The following CRYL1 variants were observed in gnomAD, a reference collection of about 807,000 sequenced individuals.
CRYL1 encodes the protein lambda-crystallin homolog.
Under a neutral mutation model 36.6 loss-of-function variants are expected in CRYL1, and 29 were observed. The observed-to-expected ratio is 0.79, with a 90% CI of 0.59 to 1.08. CRYL1 has a LOEUF of 1.08. Ranked by LOEUF, CRYL1 falls within the 50% of genes least tolerant of loss-of-function variation. CRYL1 has a pLI of 0.00. For missense variants in CRYL1, 411 were observed against 407.9 expected (o/e 1.01, Z -0.06); for synonymous variants, 152 against 151.5 (o/e 1.00, Z -0.02).
At chr13:20,482,604 G>A (rs1187785962) in intron 3 of CRYL1, among the ~76,000 whole-genome samples, 2 of 152,224 alleles carry the variant, frequency 1.3e-5, no homozygotes, top group Non-Finnish European at 2.9e-5. Context: ...CCTGACCCAG[G>A]CTCCCCGCCC....
In CRYL1 at chr13:20,488,039, C is replaced by T. The variant is rs2033435119; in HGVS notation, c.276+1331G>A. Among the ~76,000 whole-genome samples, 2 of 151,690 alleles carry T rather than the reference C, an allele frequency of 1.3e-5. 1 individual carries two copies. The highest frequency in any genetic ancestry group is 4.2e-4 in the South Asian group (2 of 4,802). ...ATCGCTTGAATCCAGGAAGTGGAGG[C>T]TGCAATGAGCCGAGATCACACCACT... is the stretch of plus-strand genomic sequence containing the variant. On this transcript the variant is annotated intron_variant, in intron 3 of 7. Transcript: ENST00000298248.
intron 5 of CRYL1, among the ~76,000 whole-genome samples, chr13:20,426,472 G>A (rs1258735947): frequency 1.3e-5 from 2 of 152,016 alleles, no homozygotes; most frequent in Non-Finnish European, 2.9e-5. Context: ...CTTAAAACTA[G>A]GACTGTGAAT....
chr13:20,488,648 A>C (rs949920696), intron 3 of CRYL1, among the ~76,000 whole-genome samples: 1 of 152,264 alleles, frequency 6.6e-6, no homozygotes, highest in African/African-American at 2.4e-5. Context: ...CAAAATATCA[A>C]GGAAAGATAC....
chr13:20,508,187 C>G (rs113660068), intron 2 of CRYL1, among the ~76,000 whole-genome samples: 30,664 of 151,992 alleles, frequency 0.2, 3,579 homozygotes, highest in African/African-American at 0.32. Flanking sequence ...CAAGATCACA[C>G]CACCCCACTC....
rs368550734 is a variant in CRYL1 at position 20,413,311 on chromosome 13, G to A, written c.710C>T (p.Pro237Leu). Residue 237 changes from proline (P) to leucine (L), a missense_variant, in exon 6 of 8, where the codon CCC (proline) becomes CTC (leucine). Physicochemically the swap from Pro to Leu is moderately conservative, Grantham distance 98 (BLOSUM62 -3). Coordinates refer to ENST00000298248, the MANE Select transcript of CRYL1 (RefSeq NM_015974.3). ...GLGMRYAFIG[P>L]LETMHLNAEG... Reference sequence around the variant, plus strand: ...TGCATTGAGATGCATGGTTTCCAGGGGTCCAATGAATGCATACCGCATGCC... The same window carrying A: ...TGCATTGAGATGCATGGTTTCCAGGAGTCCAATGAATGCATACCGCATGCC... The A allele has an allele frequency of 1.2e-6, 2 of 1,613,258 alleles. No homozygotes were observed. The highest frequency in any genetic ancestry group is 1.7e-6 in the Non-Finnish European group (2 of 1,179,326).
chr13:20,430,994 C>A (rs760119637), intron 5 of CRYL1: 2 of 985,364 alleles, frequency 2.0e-6, no homozygotes, highest in Non-Finnish European at 2.4e-6. Context: ...AATACAGGAG[C>A]CTTAAGTGGA....
At chr13:20,465,175 T>C (rs887412685) in intron 3 of CRYL1, among the ~76,000 whole-genome samples, 26 of 152,192 alleles carry the variant, frequency 1.7e-4, no homozygotes, top group African/African-American at 5.8e-4. Context: ...GACTTTTAAA[T>C]ATCCCAACTA....
At chr13:20,420,749 G>A (rs1400547768) in intron 5 of CRYL1, among the ~76,000 whole-genome samples, 2 of 117,382 alleles carry the variant, frequency 1.7e-5, no homozygotes, top group Non-Finnish European at 3.5e-5. Flanking sequence ...GTGTGTGTGT[G>A]TTTTGAGACA....
intron 3 of CRYL1, among the ~76,000 whole-genome samples, chr13:20,444,162 A>G (rs558438328): frequency 6.6e-6 from 1 of 152,372 alleles, no homozygotes; most frequent in African/African-American, 2.4e-5. Flanking sequence ...AGAATAAATA[A>G]TGTGTTAAGT....
At chr13:20,523,510 T>C (rs1268324570) in intron 1 of CRYL1, among the ~76,000 whole-genome samples, 2 of 152,198 alleles carry the variant, frequency 1.3e-5, no homozygotes, top group Non-Finnish European at 2.9e-5. Context: ...TTTTGGTCTG[T>C]TGAAACCTAA....
intron 4 of CRYL1, among the ~76,000 whole-genome samples, chr13:20,434,874 A>G (rs1361274646): frequency 1.3e-5 from 2 of 151,382 alleles, no homozygotes; most frequent in African/African-American, 4.9e-5. Context: ...CTCTCAAAAA[A>G]ATCATTGCCA....
chr13:20,516,157 C>T (rs1188951639), intron 1 of CRYL1, among the ~76,000 whole-genome samples: 1 of 135,926 alleles, frequency 7.4e-6, no homozygotes, highest in Non-Finnish European at 1.5e-5. Flanking sequence ...CACCACTTCA[C>T]TCCAGCCTGG....
intron 3 of CRYL1, among the ~76,000 whole-genome samples, chr13:20,479,220 G>A (rs760599406): frequency 6.6e-6 from 1 of 152,208 alleles, no homozygotes; most frequent in Non-Finnish European, 1.5e-5. Context: ...CTGGGACAAT[G>A]TTTTCAAGTA....
intron 3 of CRYL1, chr13:20,476,927 C>T (rs1242053711): frequency 6.6e-6 from 1 of 152,310 alleles, no homozygotes; most frequent in Admixed American, 6.5e-5. Flanking sequence ...TTTGGGAGGC[C>T]GAGGCGAGTG....
At chr13:20,517,755 T>G (rs1218242025) in intron 1 of CRYL1, among the ~76,000 whole-genome samples, 2 of 151,310 alleles carry the variant, frequency 1.3e-5, no homozygotes, top group Admixed American at 6.6e-5. Flanking sequence ...GCTAACATGG[T>G]GAAACCCCAT....
At chr13:20,468,782 T>G (rs974206012) in intron 3 of CRYL1, among the ~76,000 whole-genome samples, 2 of 152,086 alleles carry the variant, frequency 1.3e-5, no homozygotes, top group African/African-American at 4.8e-5. Context: ...ATTTTTGTAT[T>G]TTTTAGTAGA....
At chr13:20,488,129 T>C (rs747416658) in intron 3 of CRYL1, among the ~76,000 whole-genome samples, 5 of 152,116 alleles carry the variant, frequency 3.3e-5, no homozygotes, top group Admixed American at 2.0e-4. Context: ...ACTAAATTCA[T>C]GTGAAAGAAG....
intron 2 of CRYL1, among the ~76,000 whole-genome samples, chr13:20,494,052 C>T (rs2033562992): frequency 6.6e-6 from 1 of 152,184 alleles, no homozygotes; most frequent in African/African-American, 2.4e-5. Context: ...TTGGAGATTA[C>T]AACACATTTG....
At position 20,403,881 on chromosome 13, in the gene CRYL1, A is replaced by T; in HGVS notation, c.*248T>A. 2.9e-6 allele frequency: 1 copy of T among 349,028 alleles called. No homozygotes were observed. The highest frequency in any genetic ancestry group is 5.1e-6 in the Non-Finnish European group (1 of 194,374). 21.6% of individuals were successfully genotyped at this position (349,028 alleles called of 1,614,324 possible). On this transcript the variant is annotated 3_prime_UTR_variant, in exon 8 of 8. Coordinates refer to ENST00000298248, the MANE Select transcript of CRYL1 (RefSeq NM_015974.3). ...AAGAAAAGGTGAAAATCTCCAGGTT[A>T]TCTGCCCAGGTGGCAGGAAATCGAC...
Sources: gnomAD v4.1 joint callset for allele counts (sites outside exome capture counted in the v4.1 genomes callset) on GRCh38, gnomAD v4.1.1 for gene constraint, MANE v1.5 for transcripts, NCBI Gene and HGNC (gene_info 2026-07-23, HGNC 2026-07-21) for gene names.